The following GSTO1 variants were observed in gnomAD, a reference collection of about 807,000 sequenced individuals.
GSTO1 encodes glutathione S-transferase omega-1.
Under a neutral mutation model 23.8 loss-of-function variants are expected in GSTO1, and 27 were observed. That is an observed-to-expected ratio of 1.13 (90% confidence interval 0.83 to 1.56). The LOEUF (loss-of-function observed/expected upper bound fraction) is 1.56, where lower values mean the gene tolerates loss of function less well. GSTO1 is among the 40% of genes most tolerant of loss of function. GSTO1 has a pLI of 0.00. For missense variants in GSTO1, 255 were observed against 285.8 expected (o/e 0.89, Z 0.78); for synonymous variants, 105 against 109.3 (o/e 0.96, Z 0.25).
intron 3 of GSTO1, 73 bp from the exon 4 acceptor site, chr10:104,262,906 A>C (rs1471364325): frequency 5.7e-6 from 4 of 702,496 alleles, no homozygotes; most frequent in Non-Finnish European, 1.0e-5. Context: ...TAAGGGTTCT[A>C]CCATATTTTT....
At chr10:104,265,099 C>T (rs918152170) in intron 4 of GSTO1, among the ~76,000 whole-genome samples, 6 of 152,164 alleles carry the variant, frequency 3.9e-5, no homozygotes, top group African/African-American at 1.4e-4. Flanking sequence ...AAGCTGCAGA[C>T]TGTGCATTTT....
At chr10:104,257,051 A>G (rs1022878878) in intron 2 of GSTO1, among the ~76,000 whole-genome samples, 1 of 152,144 alleles carries the variant, frequency 6.6e-6, no homozygotes, top group Non-Finnish European at 1.5e-5. Flanking sequence ...TTCTAGCTAC[A>G]GCTGTGGATG....
At chr10:104,265,970 A>T (rs2011177172) in intron 4 of GSTO1, 114 bp from the exon 5 acceptor site, 1 of 578,282 alleles carries the variant, frequency 1.7e-6, no homozygotes, top group South Asian at 2.3e-5. Context: ...CAACTTGGAT[A>T]CATCGGAGTA....
In GSTO1 at chr10:104,266,095, T is replaced by G; in HGVS notation, c.477T>G (p.Asn159Lys). The G allele has an allele frequency of 6.3e-7, 1 of 1,579,104 alleles. No individual in the cohort carries two copies. Among genetic ancestry groups the G allele is most frequent in the Non-Finnish European group, 8.7e-7 (1 of 1,148,234 alleles). ...TGTTTAATGTTCAGGTTCTGACTAATAAGAAGACGACCTTCTTTGGTGGCA... is the reference window on the plus strand; with the variant it reads ...TGTTTAATGTTCAGGTTCTGACTAAGAAGAAGACGACCTTCTTTGGTGGCA... Reference protein sequence around the residue: ...EFTKLEEVLTNKKTTFFGGNS... With the variant: ...EFTKLEEVLTKKKTTFFGGNS... Residue 159 changes from asparagine to lysine, a missense_variant, in exon 5 of 6, where the codon AAT (asparagine) becomes AAG (lysine). Physicochemically the swap from Asn to Lys is moderately conservative, Grantham distance 94 (BLOSUM62 0). Transcript: ENST00000369713.
chr10:104,256,345 T>C (rs6584591), intron 2 of GSTO1, among the ~76,000 whole-genome samples: 107 of 152,284 alleles, frequency 7.0e-4, no homozygotes, highest in African/African-American at 2.5e-3. Context: ...AAAAAAGACA[T>C]TTTTTGGTAC....
At chr10:104,263,168 C>T in intron 4 of GSTO1, 91 bp downstream of exon 4, 1 of 601,072 alleles carries the variant, frequency 1.7e-6, no homozygotes, top group Admixed American at 3.0e-5. Flanking sequence ...TCCCACTTTC[C>T]AAGTCACTTT....
At chr10:104,265,965 TGGATACATC>T (rs749698547) in intron 4 of GSTO1, 110 bp from the exon 5 acceptor site, 125 of 564,252 alleles carry the variant, frequency 2.2e-4, no homozygotes, top group Non-Finnish European at 3.7e-4. Context: ...AAACCCAACT[TGGATACATC>T]GGAGTAAAAA....
intron 3 of GSTO1, among the ~76,000 whole-genome samples, chr10:104,262,207 G>GC (rs1240598079): frequency 2.6e-5 from 4 of 152,204 alleles, no homozygotes; most frequent in African/African-American, 9.7e-5. Flanking sequence ...AGTAGAAATG[G>GC]CATCAGTGCC....
At position 104,259,621 on chromosome 10, in the gene GSTO1, C is replaced by G. The variant is rs775258075; in HGVS notation, c.189C>G (p.Phe63Leu). ...ACCTGAAAAATAAGCCTGAGTGGTT[C>G]TTTAAGAAAAATCCCTTTGGTCTGG... is the stretch of plus-strand genomic sequence containing the variant. ...NINLKNKPEW[F>L]FKKNPFGLVP... Residue 63 changes from phenylalanine (F) to leucine (L), a missense_variant, in exon 3 of 6, where the codon TTC (phenylalanine) becomes TTG (leucine). Coordinates refer to ENST00000369713, the MANE Select transcript of GSTO1 (RefSeq NM_004832.3). 6 of 1,613,404 alleles carry G rather than the reference C, an allele frequency of 3.7e-6. No individual in the cohort carries two copies. Among genetic ancestry groups the G allele is most frequent in the Middle Eastern group, 1.7e-4 (1 of 6,050 alleles).
Position 104,266,539 on chromosome 10 carries a change from C to G in GSTO1, c.572+349C>G, listed in dbSNP as rs183457732. ...ATCATCTGAGGTCAGGAGTTAGAGA[C>G]CAGCCTGGCCAATGTGGTGAAACCC... is the stretch of plus-strand genomic sequence containing the variant. On this transcript the variant is annotated intron_variant, in intron 5 of 5. Coordinates refer to ENST00000369713, the MANE Select transcript of GSTO1 (RefSeq NM_004832.3). Among the ~76,000 whole-genome samples, 12 of 152,292 alleles carry G rather than the reference C, an allele frequency of 7.9e-5. No individual in the cohort carries two copies. The East Asian group carries it at 2.1e-3, about 27-fold the overall frequency.
Position 104,263,004 on chromosome 10 carries a change from T to A in GSTO1, c.392T>A (p.Ile131Asn), listed in dbSNP as rs575960084. Residue 131 changes from isoleucine (I) to asparagine (N), a missense_variant, in exon 4 of 6, where the codon ATT becomes AAT. Coordinates refer to ENST00000369713, the MANE Select transcript of GSTO1 (RefSeq NM_004832.3). ...SKVPSLVGSF[I>N]RSQNKEDYAG... The stretch of plus-strand genomic sequence containing the variant: ...GTGCCATCCTTGGTAGGAAGCTTTA[T>A]TAGAAGCCAAAATAAAGAAGACTAT... 5 of 1,536,476 alleles carry A rather than the reference T, an allele frequency of 3.3e-6. No homozygotes were observed. In the South Asian group the frequency reaches 5.6e-5, roughly 17 times the overall value.
At chr10:104,265,984 A>ACTGCTT in intron 4 of GSTO1, 100 bp from the exon 5 acceptor site, 1 of 620,806 alleles carries the variant, frequency 1.6e-6, no homozygotes, top group Non-Finnish European at 2.9e-6. Context: ...CGGAGTAAAA[A>ACTGCTT]CTGCTTCTCT....
chr10:104,259,741 G>C lies in GSTO1; in HGVS notation c.309G>C (p.Leu103Phe), dbSNP rs148006054. The change falls in exon 3 of 6, where the codon TTG becomes TTC. Residue 103 changes from leucine (L) to phenylalanine (F), a missense_variant. Leu to Phe is a conservative substitution (Grantham distance 22). Transcript: ENST00000369713. ...AAGCATACCCAGGGAAGAAGCTGTT[G>C]CCGGATGACCCCTATGAGAAAGCTT... is the stretch of plus-strand genomic sequence containing the variant. ...LDEAYPGKKL[L>F]PDDPYEKACQ... 3 of 1,613,898 alleles carry C rather than the reference G, an allele frequency of 1.9e-6. No individual in the cohort carries two copies. The African/African-American group carries it at 4.0e-5, about 22-fold the overall frequency.
intron 2 of GSTO1, among the ~76,000 whole-genome samples, chr10:104,257,464 C>T (rs954723924): frequency 2.0e-5 from 3 of 151,878 alleles, no homozygotes; most frequent in African/African-American, 2.4e-5. Context: ...CCTCAGCATC[C>T]GGAGTAGCCG....
intron 2 of GSTO1, among the ~76,000 whole-genome samples, chr10:104,258,010 C>T (rs577200246): frequency 1.3e-5 from 2 of 152,302 alleles, no homozygotes; most frequent in South Asian, 4.1e-4. Flanking sequence ...TCCCACCTTT[C>T]GTGAAGCTTA....
chr10:104,255,174 C>A lies in GSTO1; in HGVS notation c.46C>A (p.Pro16Thr), dbSNP rs370320075. The change falls in exon 2 of 6, where the codon CCG (proline) becomes ACG (threonine). Residue 16 changes from proline (P) to threonine (T), a missense_variant. By Grantham distance (38) the Pro-to-Thr change is conservative (BLOSUM62 -1). Coordinates refer to ENST00000369713, the MANE Select transcript of GSTO1 (RefSeq NM_004832.3). ...ARSLGKGSAP[P>T]GPVPEGSIRI... ...CTTCTCCCCGGCAGGAAGCGCGCCC[C>A]CGGGGCCGGTCCCGGAGGGCTCGAT... is the stretch of plus-strand genomic sequence containing the variant. 1 of 1,613,394 alleles carries A rather than the reference C, an allele frequency of 6.2e-7. No individual in the cohort carries two copies. The highest frequency in any genetic ancestry group is 8.5e-7 in the Non-Finnish European group (1 of 1,179,514).
chr10:104,259,764 C>G lies in GSTO1; in HGVS notation c.332C>G (p.Ala111Gly), dbSNP rs916334054. The G allele has an allele frequency of 6.2e-7, 1 of 1,613,412 alleles. No homozygotes were observed. The highest frequency in any genetic ancestry group is 1.7e-5 in the Admixed American group (1 of 60,020). Residue 111 changes from alanine (A) to glycine (G), a missense_variant, in exon 3 of 6, where the codon GCT becomes GGT. Ala to Gly is a moderately conservative substitution (Grantham distance 60, BLOSUM62 0). Transcript: ENST00000369713. ...TTGCCGGATGACCCCTATGAGAAAG[C>G]TTGCCAGAAGATGATCTTAGAGTTG... ...KLLPDDPYEK[A>G]CQKMILELFS...
At chr10:104,254,829 A>C, upstream of GSTO1, 1 of 1,194,344 alleles carries the variant, frequency 8.4e-7, no homozygotes. Context: ...CTTTTGAGCT[A>C]AGGAGGAAGC....
rs15032 is a variant in GSTO1, at chr10:104,267,329, C to A, written c.650C>A (p.Thr217Asn). Residue 217 changes from threonine (T) to asparagine (N), a missense_variant, in exon 6 of 6, where the codon ACT becomes AAT. Thr to Asn is a moderately conservative substitution (Grantham distance 65). Transcript: ENST00000369713. ...GATCCCACAGTCTCAGCCCTGCTTA[C>A]TAGTGAGAAAGACTGGCAAGGTTTC... ...KEDPTVSALL[T>N]SEKDWQGFLE... The A allele has an allele frequency of 6.2e-7, 1 of 1,613,430 alleles. No homozygotes were observed. Among genetic ancestry groups the A allele is most frequent in the Non-Finnish European group, 8.5e-7 (1 of 1,179,360 alleles).
Sources: allele counts gnomAD v4.1 joint callset (sites outside exome capture counted in the v4.1 genomes callset), GRCh38; gene constraint gnomAD v4.1.1; transcripts MANE v1.5; gene names NCBI Gene and HGNC (gene_info 2026-07-23, HGNC 2026-07-21).